Variants in AXL observed in about 807,000 individuals in gnomAD.
The protein encoded by AXL is tyrosine-protein kinase receptor UFO.
A neutral mutation model predicts 104.5 loss-of-function variants in AXL; 52 were observed. The ratio of observed to expected loss-of-function variants is 0.50; its 90% CI spans 0.40 to 0.63. The LOEUF is 0.63. Among genes scored for constraint, AXL ranks in the 20% least tolerant of loss-of-function variants. AXL has a pLI of 0.00. For missense variants in AXL, 1,024 were observed against 1,188.5 expected, an observed-to-expected ratio of 0.86 and a Z score of 2.04; for synonymous variants, 455 against 473.7, an observed-to-expected ratio of 0.96 and a Z score of 0.51.
At chr19:41,226,245 C>T (rs1350230173) in intron 4 of AXL, among the ~76,000 whole-genome samples, 4 of 152,156 alleles carry the variant, frequency 2.6e-5, no homozygotes, top group African/African-American at 9.6e-5. Flanking sequence ...GGCTCCAGAA[C>T]CCACCTCCAG....
Position 41,242,993 on chromosome 19 carries a change from C to T in AXL, c.1423C>T (p.Arg475Ter), listed in dbSNP as rs1307122843. 1.5e-5 allele frequency: 25 copies of T among 1,614,124 alleles called. No homozygotes were observed. The highest frequency in any genetic ancestry group is 3.3e-5 in the South Asian group (3 of 91,074). Reference sequence around the variant, plus strand: ...CTTGGCTCTCTTCCTTGTCCACCGGCGAAAGAAGGAGACCCGTTATGGGTG... The same window carrying T: ...CTTGGCTCTCTTCCTTGTCCACCGGTGAAAGAAGGAGACCCGTTATGGGTG... ...LILALFLVHR[R>*]KKETRYGEVF... is the part of the protein sequence containing the mutation. Residue 475 changes from arginine (R) to a stop codon, truncating the protein, a stop_gained, in exon 11 of 20, where the codon CGA becomes TGA. Coordinates refer to ENST00000301178, the MANE Select transcript of AXL (RefSeq NM_021913.5). LOFTEE classifies it high-confidence loss of function.
At position 41,222,044 on chromosome 19, in the gene AXL, C is replaced by A. The variant is rs2122199821; in HGVS notation, c.574C>A (p.Leu192Met). ...TAPGHGPQRS[L>M]HVPGLNKTSS... ...TCCAGGTCACGGCCCCCAGCGCAGC[C>A]TGCATGTTCCAGGTGAGTCCGGGGA... Residue 192 changes from leucine to methionine, a missense_variant, in exon 4 of 20, where the codon CTG becomes ATG. Leu to Met is a conservative substitution (Grantham distance 15). Coordinates refer to ENST00000301178, the MANE Select transcript of AXL (RefSeq NM_021913.5). 1 of 1,576,794 alleles carries A rather than the reference C, an allele frequency of 6.3e-7. No homozygotes were observed. The highest frequency in any genetic ancestry group is 1.2e-5 in the South Asian group (1 of 85,218).
At chr19:41,247,849 T>G (rs2034296073) in intron 12 of AXL, among the ~76,000 whole-genome samples, 1 of 151,524 alleles carries the variant, frequency 6.6e-6, no homozygotes, top group Admixed American at 6.6e-5. Context: ...CCTCCCAAAG[T>G]GCTGCGATTA....
At chr19:41,248,721 G>T (rs1273725172) in intron 13 of AXL, 22 bp from the exon 14 acceptor site, 3 of 1,613,866 alleles carry the variant, frequency 1.9e-6, no homozygotes, top group Middle Eastern at 1.6e-4. Context: ...TGAGGTCAGT[G>T]TCTCCCTCTG....
In AXL at chr19:41,255,358, T is replaced by TC. The variant is rs200131628; in HGVS notation, c.2037-1094_2037-1093insC. The stretch of plus-strand genomic sequence containing the variant: ...TTCTCTCTGTCCTTTCTTCTTTCTT[T>TC]TCTTTCTCTTTCTCTCTCTTTATCT... On this transcript the variant is annotated intron_variant, in intron 17 of 19. Transcript: ENST00000301178. Among the ~76,000 whole-genome samples, 983 of 142,434 alleles carry TC rather than the reference T, an allele frequency of 6.9e-3. 13 individuals carry two copies. The highest frequency in any genetic ancestry group is 0.023 in the African/African-American group (919 of 39,880). 93.4% of individuals were successfully genotyped at this position (142,434 alleles called of 152,430 possible). A position where few individuals can be genotyped will look rare whatever the true frequency, so the allele number is the denominator to read the frequency against.
chr19:41,260,380 C>T lies in AXL; in HGVS notation c.*476C>T, dbSNP rs559086096. On this transcript the variant is annotated 3_prime_UTR_variant, in exon 20 of 20. Coordinates refer to ENST00000301178, the MANE Select transcript of AXL (RefSeq NM_021913.5). ...AGGCTGGAGTGCAGTGGTGCAATCT[C>T]GCCTCACTGCAACCTTCACCTACCG... 1.3e-3 allele frequency: 185 copies of T among 145,732 alleles called. No homozygotes were observed. Among genetic ancestry groups the T allele is most frequent in the Admixed American group, 1.9e-3 (22 of 11,424 alleles). 9.0% of individuals were successfully genotyped at this position (145,732 alleles called of 1,614,324 possible).
intron 4 of AXL, chr19:41,226,934 CA>C (rs959522319): frequency 5.4e-4 from 214 of 395,056 alleles, no homozygotes; most frequent in Non-Finnish European, 6.8e-4. Flanking sequence ...CTCTTCTCTA[CA>C]AAAAAAAATT....
Position 41,252,964 on chromosome 19 carries a change from A to T in AXL, c.1923A>T (p.Pro641=), listed in dbSNP as rs763257508. 6.2e-7 allele frequency: 1 copy of T among 1,614,100 alleles called. No homozygotes were observed. Among genetic ancestry groups the T allele is most frequent in the East Asian group, 2.2e-5 (1 of 44,886 alleles). The part of the protein sequence containing the change: ...FLLYSRLGDQ[P]VYLPTQMLVK... ...TCTATTCCCGGCTCGGGGACCAGCC[A>T]GTGGTAAGGGGCGTTTAATCATTCA... is the stretch of plus-strand genomic sequence containing the variant. Residue 641 remains proline, a synonymous_variant, in exon 16 of 20, where the codon CCA becomes CCT. Transcript: ENST00000301178.
intron 4 of AXL, among the ~76,000 whole-genome samples, chr19:41,222,922 AAAAG>A (rs984264233): frequency 3.3e-5 from 5 of 149,528 alleles, no homozygotes; most frequent in African/African-American, 4.9e-5. Flanking sequence ...AAAAAAAAAA[AAAAG>A]AAAGTGGGAG....
intron 12 of AXL, 115 bp downstream of exon 12, chr19:41,243,822 T>C: frequency 1.2e-6 from 1 of 800,066 alleles, no homozygotes; most frequent in Non-Finnish European, 2.1e-6. Flanking sequence ...CTTGGGATAC[T>C]AGAATGTCAG....
At chr19:41,221,074 C>G in intron 2 of AXL, 72 bp from the exon 3 acceptor site, 1 of 1,416,710 alleles carries the variant, frequency 7.1e-7, no homozygotes, top group Non-Finnish European at 9.8e-7. Flanking sequence ...ACCCTCTTTC[C>G]GTTCTGACAG....
At chr19:41,231,385 A>G in intron 6 of AXL, 87 bp downstream of exon 6, 12 of 1,236,500 alleles carry the variant, frequency 9.7e-6, no homozygotes, top group African/African-American at 1.5e-5. Context: ...GGAACCCACC[A>G]CTTCTCGGCC....
intron 10 of AXL, 69 bp downstream of exon 10, chr19:41,239,789 C>T: frequency 6.4e-7 from 1 of 1,566,110 alleles, no homozygotes; most frequent in Non-Finnish European, 8.8e-7. Flanking sequence ...TGTCACCATG[C>T]ATACTCATTG....
intron 6 of AXL, among the ~76,000 whole-genome samples, chr19:41,236,479 G>A (rs1275919795): frequency 2.0e-5 from 3 of 151,438 alleles, no homozygotes; most frequent in Admixed American, 1.3e-4. Context: ...TCCAGCTCAG[G>A]TGATGAAATG....
At chr19:41,244,373 G>A (rs1425429099) in intron 12 of AXL, among the ~76,000 whole-genome samples, 1 of 152,128 alleles carries the variant, frequency 6.6e-6, no homozygotes, top group Non-Finnish European at 1.5e-5. Context: ...AAAAATCACA[G>A]GCAACCCTAG....
rs2034145270 is a variant in AXL at position 41,239,585 on chromosome 19, GTGCCACACCCTCACTCCCTTACCC to G, written c.1286-108_1286-85del. The G allele has an allele frequency of 3.7e-6, 5 of 1,353,384 alleles. No homozygotes were observed. The African/African-American group carries it at 1.0e-4, about 28-fold the overall frequency. 83.8% of individuals were successfully genotyped at this position (1,353,384 alleles called of 1,614,324 possible). The stretch of plus-strand genomic sequence containing the variant: ...GTGCCAAACCTTCACTCCCTTACTC[GTGCCACACCCTCACTCCCTTACCC>G]GTGCCACACCCTTACTCCCTTACCC... On this transcript the variant is annotated intron_variant, in intron 9 of 19. Transcript: ENST00000301178.
At chr19:41,222,227 A>G (rs2033804089) in intron 4 of AXL, among the ~76,000 whole-genome samples, 171 bp downstream of exon 4, 1 of 149,948 alleles carries the variant, frequency 6.7e-6, no homozygotes, top group African/African-American at 2.5e-5. Flanking sequence ...GTCTCTACCT[A>G]TCTTATTTCT....
chr19:41,223,969 G>GGGGT (rs556000856), intron 4 of AXL, among the ~76,000 whole-genome samples: 1 of 149,690 alleles, frequency 6.7e-6, no homozygotes, highest in African/African-American at 2.5e-5. Context: ...TCCCATGTGT[G>GGGGT]GTGTGTGTGT....
intron 1 of AXL, 41 bp from the exon 2 acceptor site, chr19:41,220,595 C>G: frequency 6.6e-7 from 1 of 1,517,218 alleles, no homozygotes; most frequent in Non-Finnish European, 8.9e-7. Flanking sequence ...CCGGAAGGAG[C>G]TGGGGGGTTC....
Sources: allele counts gnomAD v4.1 joint callset (sites outside exome capture counted in the v4.1 genomes callset), GRCh38; gene constraint gnomAD v4.1.1; transcripts MANE v1.5; gene names NCBI Gene and HGNC (gene_info 2026-07-23, HGNC 2026-07-21).